The following PTPRN2 variants were observed in gnomAD, a reference collection of about 807,000 sequenced individuals.
The protein encoded by PTPRN2 is receptor-type tyrosine-protein phosphatase N2.
Under a neutral mutation model 118.8 loss-of-function variants are expected in PTPRN2, and 74 were observed. The observed-to-expected ratio is 0.62, with a 90% confidence interval of 0.52 to 0.76. PTPRN2 has a LOEUF of 0.76. Among genes scored for constraint, PTPRN2 ranks in the 30% least tolerant of loss-of-function variants. The pLI is 0.00. For missense variants in PTPRN2, 1,481 were observed against 1,394.4 expected (o/e 1.06, Z -0.99); for synonymous variants, 641 against 608.0 (o/e 1.05, Z -0.80).
chr7:157,796,951 C>T (rs2151087452), intron 12 of PTPRN2, among the ~76,000 whole-genome samples: 1 of 152,314 alleles, frequency 6.6e-6, no homozygotes, highest in Middle Eastern at 3.4e-3. Context: ...TTGGGGCACA[C>T]TGATCCAACC....
chr7:158,405,757 T>C (rs748101298), intron 2 of PTPRN2, among the ~76,000 whole-genome samples: 1 of 152,260 alleles, frequency 6.6e-6, no homozygotes, highest in Non-Finnish European at 1.5e-5. Flanking sequence ...AGTGAAATGC[T>C]GCATACCACG....
chr7:157,954,281 T>TG (rs1801034503), intron 11 of PTPRN2, among the ~76,000 whole-genome samples: 1 of 142,052 alleles, frequency 7.0e-6, no homozygotes, highest in Non-Finnish European at 1.5e-5. Context: ...GTGTAATCTC[T>TG]GCATGTGTGT....
chr7:158,508,065 T>A (rs1201165647), intron 1 of PTPRN2, among the ~76,000 whole-genome samples: 1 of 149,308 alleles, frequency 6.7e-6, no homozygotes, highest in Non-Finnish European at 1.5e-5. Flanking sequence ...CGAAGGTCAG[T>A]GAGGAACATC....
At chr7:158,148,406 C>A (rs1426893959) in intron 6 of PTPRN2, among the ~76,000 whole-genome samples, 49 of 133,698 alleles carry the variant, frequency 3.7e-4, no homozygotes, top group Non-Finnish European at 3.8e-4. Context: ...CAATGACACC[C>A]CATCTCACGC....
At chr7:158,333,430 A>T (rs1804904918) in intron 2 of PTPRN2, among the ~76,000 whole-genome samples, 1 of 146,064 alleles carries the variant, frequency 6.8e-6, no homozygotes, top group African/African-American at 2.7e-5. Context: ...TGTCACCATA[A>T]GAGGTGACAC....
At chr7:158,306,974 C>A (rs190617342) in intron 3 of PTPRN2, among the ~76,000 whole-genome samples, 1 of 150,896 alleles carries the variant, frequency 6.6e-6, no homozygotes, top group African/African-American at 2.4e-5. Context: ...TCAATTGATT[C>A]CCCTGCCTCA....
chr7:158,067,742 C>G (rs1487738201), intron 11 of PTPRN2, among the ~76,000 whole-genome samples: 1 of 152,128 alleles, frequency 6.6e-6, no homozygotes, highest in Non-Finnish European at 1.5e-5. Context: ...CTGTTCCCAC[C>G]AGGCTTCCTT....
intron 3 of PTPRN2, among the ~76,000 whole-genome samples, chr7:158,297,673 G>A (rs1027290777): frequency 2.6e-5 from 4 of 152,198 alleles, no homozygotes; most frequent in African/African-American, 7.2e-5. Context: ...AACAGAGAAT[G>A]GCCAATGTTT....
At chr7:158,105,294 C>T (rs1469648227) in intron 10 of PTPRN2, among the ~76,000 whole-genome samples, 1 of 147,640 alleles carries the variant, frequency 6.8e-6, no homozygotes, top group Non-Finnish European at 1.5e-5. Context: ...AACTCCATCC[C>T]AACTCCACCC....
intron 3 of PTPRN2, among the ~76,000 whole-genome samples, chr7:158,216,265 A>C (rs1315105659): frequency 6.6e-6 from 1 of 152,168 alleles, no homozygotes; most frequent in East Asian, 1.9e-4. Context: ...TGGATTTCCA[A>C]AATCATTAAA....
chr7:157,910,009 G>A (rs1168941281), intron 11 of PTPRN2, among the ~76,000 whole-genome samples: 1 of 152,198 alleles, frequency 6.6e-6, no homozygotes, highest in African/African-American at 2.4e-5. Context: ...GACCAGTGGT[G>A]GCACTCACTA....
At chr7:157,543,930 G>A (rs1045382965) in intron 22 of PTPRN2, among the ~76,000 whole-genome samples, 1 of 152,204 alleles carries the variant, frequency 6.6e-6, no homozygotes, top group South Asian at 2.1e-4. Flanking sequence ...ACACCAGGGC[G>A]GAGGGACAGA....
chr7:157,908,815 G>GAA (rs1400029551), intron 11 of PTPRN2, among the ~76,000 whole-genome samples: 15 of 152,078 alleles, frequency 9.9e-5, no homozygotes, highest in African/African-American at 3.6e-4. Flanking sequence ...TTTGGCTTTA[G>GAA]AATTTTAATA....
chr7:157,777,752 T>C (rs1328326142), intron 12 of PTPRN2, among the ~76,000 whole-genome samples: 1 of 152,366 alleles, frequency 6.6e-6, no homozygotes, highest in East Asian at 1.9e-4. Context: ...CGCTCATTTA[T>C]AATCAGTCTG....
intron 12 of PTPRN2, among the ~76,000 whole-genome samples, chr7:157,724,417 A>G (rs1020564703): frequency 6.6e-6 from 1 of 152,174 alleles, no homozygotes; most frequent in African/African-American, 2.4e-5. Flanking sequence ...ATTGGAGCCA[A>G]TTTCCTGGTT....
At chr7:158,030,261 C>T (rs1190145857) in intron 11 of PTPRN2, 1 of 152,234 alleles carries the variant, frequency 6.6e-6, no homozygotes, top group Non-Finnish European at 1.5e-5. Flanking sequence ...TCACCAGAAG[C>T]AGGCATGGTG....
intron 12 of PTPRN2, among the ~76,000 whole-genome samples, chr7:157,703,081 C>T (rs1455225984): frequency 6.6e-6 from 1 of 152,204 alleles, no homozygotes; most frequent in African/African-American, 2.4e-5. Flanking sequence ...GAGCCTGTGG[C>T]AAAGGGAGTA....
chr7:158,366,624 G>A (rs533445645), intron 2 of PTPRN2, among the ~76,000 whole-genome samples: 4 of 152,320 alleles, frequency 2.6e-5, no homozygotes, highest in East Asian at 3.9e-4. Context: ...TCCATCCACC[G>A]AGACATACAC....
At chr7:157,710,545 C>A (rs1039071640) in intron 12 of PTPRN2, among the ~76,000 whole-genome samples, 1 of 147,816 alleles carries the variant, frequency 6.8e-6, no homozygotes, top group Non-Finnish European at 1.5e-5. Context: ...TGCGGGGTCC[C>A]GCTGCAGAAG....
Sources: gnomAD v4.1 joint callset for allele counts (sites outside exome capture counted in the v4.1 genomes callset) on GRCh38, gnomAD v4.1.1 for gene constraint, MANE v1.5 for transcripts, NCBI Gene and HGNC (gene_info 2026-07-23, HGNC 2026-07-21) for gene names.